Variants in THNSL1 observed in about 807,000 individuals in gnomAD.
THNSL1 encodes the protein threonine synthase-like 1.
THNSL1 carries 48 observed loss-of-function variants against 50.4 expected under a neutral mutation model. The ratio of observed to expected loss-of-function variants is 0.95; its 90% CI spans 0.76 to 1.21. THNSL1 has a LOEUF of 1.21. THNSL1 is among the 50% of genes most tolerant of loss of function. The pLI, the probability that THNSL1 is intolerant of heterozygous loss-of-function variation, is 0.00. For synonymous variants in THNSL1, 309 were observed against 306.1 expected (o/e 1.01, Z -0.10); for missense variants, 896 against 871.7 (o/e 1.03, Z -0.35).
chr10:24,963,332 T>C, the THNSL1 span, among the ~76,000 whole-genome samples: 344 of 152,354 alleles, frequency 2.3e-3, 3 homozygotes, highest in African/African-American at 7.0e-3. Flanking sequence ...CAGTGTTACC[T>C]GTGACCTTTC....
chr10:25,003,474 T>C, the THNSL1 span, among the ~76,000 whole-genome samples: 1 of 152,232 alleles, frequency 6.6e-6, no homozygotes, highest in Non-Finnish European at 1.5e-5. Flanking sequence ...TCCAAAGTGC[T>C]GGGATAACAG....
the THNSL1 span, among the ~76,000 whole-genome samples, chr10:24,968,411 AATCTTCAACCC>A: frequency 6.6e-6 from 1 of 152,098 alleles, no homozygotes; most frequent in Non-Finnish European, 1.5e-5. Context: ...GGAATCTACC[AATCTTCAACCC>A]ATCTCTACCT....
rs1459188242 is a variant in THNSL1, at chr10:25,024,599, TG to T, written c.1378del (p.Glu460AsnfsTer6). ...TCTGATTTTACTGGCTTTCTTACTG[TG>T]GAATATGGAACAATCTTAAGTTCGG... ...NDSDFTGFLT[V>X]EYGTILSSAN... On this transcript the variant is annotated frameshift_variant, in exon 3 of 3. Transcript: ENST00000376356. LOFTEE classifies it high-confidence loss of function. 1 of 1,614,180 alleles carries T rather than the reference TG, an allele frequency of 6.2e-7. No homozygotes were observed. Among genetic ancestry groups the T allele is most frequent in the African/African-American group, 1.3e-5 (1 of 75,062 alleles).
At chr10:24,992,763 T>C in the THNSL1 span, among the ~76,000 whole-genome samples, 1 of 152,186 alleles carries the variant, frequency 6.6e-6, no homozygotes, top group East Asian at 1.9e-4. Flanking sequence ...CCATCCTGAC[T>C]GAACAAGGGA....
At chr10:25,008,367 A>C in the THNSL1 span, among the ~76,000 whole-genome samples, 3 of 152,226 alleles carry the variant, frequency 2.0e-5, no homozygotes, top group African/African-American at 4.8e-5. Flanking sequence ...TAAGACAAGA[A>C]ACTCTGGATC....
At chr10:24,974,895 T>C in the THNSL1 span, among the ~76,000 whole-genome samples, 1 of 152,230 alleles carries the variant, frequency 6.6e-6, no homozygotes, top group South Asian at 2.1e-4. Flanking sequence ...ATCCAAATTC[T>C]AAGATAATGT....
At chr10:24,969,436 A>G in the THNSL1 span, among the ~76,000 whole-genome samples, 1 of 152,190 alleles carries the variant, frequency 6.6e-6, no homozygotes. Flanking sequence ...ATCATATAAC[A>G]TGGAAAAAAT....
the THNSL1 span, among the ~76,000 whole-genome samples, chr10:24,966,749 T>C: frequency 6.6e-6 from 1 of 152,236 alleles, no homozygotes; most frequent in Non-Finnish European, 1.5e-5. Flanking sequence ...GAATTATTGA[T>C]GGTGAGATCT....
the THNSL1 span, among the ~76,000 whole-genome samples, chr10:25,007,610 A>G: frequency 6.6e-6 from 1 of 151,904 alleles, no homozygotes; most frequent in Non-Finnish European, 1.5e-5. Flanking sequence ...AATTTTTTGT[A>G]TTTTTAGTAG....
At chr10:24,984,403 A>G in the THNSL1 span, 2 of 1,568,694 alleles carry the variant, frequency 1.3e-6, no homozygotes, top group South Asian at 1.2e-5. Flanking sequence ...AAAAAAGTGA[A>G]GTTCTGAGTG....
rs1220149799 is a variant in THNSL1, at chr10:25,016,692, G to C, written c.-216G>C. The C allele has an allele frequency of 6.6e-6, 1 of 152,368 alleles. No individual in the cohort carries two copies. The highest frequency in any genetic ancestry group is 2.4e-5 in the African/African-American group (1 of 41,468). The allele number at this position is 152,368 out of a possible 1,614,324, so 9.4% of individuals were successfully genotyped here. ...GGGCGGGACCGGGGAGCTAGCTGCA[G>C]GTACGGTGCTCCGTCTCCTGTGGAG... On this transcript the variant is annotated splice_region_variant and 5_prime_UTR_variant, in exon 1 of 3. Transcript: ENST00000376356.
chr10:25,017,584 T>TA (rs146308838), intron 1 of THNSL1, among the ~76,000 whole-genome samples: 4,190 of 152,148 alleles, frequency 0.028, 131 homozygotes, highest in African/African-American at 0.074. Context: ...TTTGGGCTCT[T>TA]ACTGAATTTC....
the THNSL1 span, among the ~76,000 whole-genome samples, chr10:24,976,959 A>G: frequency 6.6e-6 from 1 of 152,218 alleles, no homozygotes; most frequent in South Asian, 2.1e-4. Flanking sequence ...AATTCAACAC[A>G]GTGAGGCCAA....
chr10:24,987,570 C>T, the THNSL1 span, among the ~76,000 whole-genome samples: 1 of 152,186 alleles, frequency 6.6e-6, no homozygotes, highest in Non-Finnish European at 1.5e-5. Flanking sequence ...GCCTAGGCAA[C>T]AGAGCAAGAC....
the THNSL1 span, among the ~76,000 whole-genome samples, chr10:24,987,267 A>C: frequency 6.6e-6 from 1 of 152,094 alleles, no homozygotes; most frequent in Non-Finnish European, 1.5e-5. Context: ...GTAAATTCCT[A>C]CTGTCCCTGC....
chr10:24,952,427 CCT>C, the THNSL1 span: 2 of 1,343,308 alleles, frequency 1.5e-6, no homozygotes, highest in Non-Finnish European at 2.1e-6. The surrounding 1 kb of genome is among the most constrained non-coding windows in gnomAD (Gnocchi z 5.1). Flanking sequence ...AAGCGGTGGC[CCT>C]CTCTCTCCCC....
chr10:24,981,672 G>A, the THNSL1 span, among the ~76,000 whole-genome samples: 2 of 152,160 alleles, frequency 1.3e-5, no homozygotes, highest in Admixed American at 6.5e-5. Context: ...TGTTACGCAC[G>A]TATTGTTCCA....
chr10:24,995,915 G>A, the THNSL1 span: 2 of 1,411,636 alleles, frequency 1.4e-6, no homozygotes, highest in African/African-American at 2.9e-5. Flanking sequence ...TACAAACACT[G>A]CTACTCAGTG....
the THNSL1 span, among the ~76,000 whole-genome samples, chr10:24,966,170 T>G: frequency 6.6e-6 from 1 of 152,226 alleles, no homozygotes. Context: ...GAGTAGAAAC[T>G]GGAACCTCTC....
Sources: gnomAD v4.1 joint callset for allele counts (sites outside exome capture counted in the v4.1 genomes callset) on GRCh38, gnomAD v4.1.1 for gene constraint, Gnocchi (gnomAD v3.1) non-coding constraint, MANE v1.5 for transcripts, NCBI Gene and HGNC (gene_info 2026-07-23, HGNC 2026-07-21) for gene names.